Variants in CAMTA1 observed in about 807,000 individuals in gnomAD.
CAMTA1 encodes the protein calmodulin binding transcription activator 1.
A neutral mutation model predicts 170.9 loss-of-function variants in CAMTA1; 27 were observed. The observed-to-expected ratio is 0.16, with a 90% confidence interval of 0.12 to 0.22. The LOEUF is 0.22. Among genes scored for constraint, CAMTA1 ranks in the 10% least tolerant of loss-of-function variants. The probability of loss-of-function intolerance (pLI) is 1.00; values close to 1 mark genes in which losing one functional copy is unlikely to be tolerated. For synonymous variants in CAMTA1, 833 were observed against 891.5 expected (o/e 0.93, Z 1.17); for missense variants, 1,619 against 2,217.2 (o/e 0.73, Z 5.42).
chr1:7,497,120 T>TGCC (rs1194677605), intron 6 of CAMTA1, among the ~76,000 whole-genome samples: 3 of 152,202 alleles, frequency 2.0e-5, no homozygotes, highest in Non-Finnish European at 4.4e-5. Context: ...GAAAAGTGGC[T>TGCC]GCCGCTTCTC....
At chr1:7,308,580 A>T (rs1244926211) in intron 5 of CAMTA1, among the ~76,000 whole-genome samples, 1 of 151,982 alleles carries the variant, frequency 6.6e-6, no homozygotes, top group African/African-American at 2.4e-5. Context: ...ATATTTTCTA[A>T]TTTTTTTGAC....
chr1:6,814,097 A>G lies in CAMTA1; in HGVS notation c.46-6084A>G, dbSNP rs372226375. ...AGACATCCTTTCAAGGATGCATTTG[A>G]TAAAATCTCATTTTGAGTATGTTAG... On this transcript the variant is annotated intron_variant, in intron 1 of 22. Transcript: ENST00000303635. Among the ~76,000 whole-genome samples the G allele has an allele frequency of 8.2e-4, 125 of 152,318 alleles. 1 individual carries two copies. The South Asian group carries it at 0.026, about 31-fold the overall frequency.
intron 3 of CAMTA1, among the ~76,000 whole-genome samples, chr1:7,061,524 G>T (rs1449889445): frequency 7.1e-6 from 1 of 140,500 alleles, no homozygotes; most frequent in Non-Finnish European, 1.5e-5. Context: ...AGAGGGGCTC[G>T]GTTGAGTACC....
Position 7,019,652 on chromosome 1 carries a change from C to G in CAMTA1, c.235-71652C>G, listed in dbSNP as rs80007560. ...GCTACACAGATGATGAAACTGAAAG[C>G]CAGGGTCTGTTTGTTCTGCTGCTGA... On this transcript the variant is annotated intron_variant, in intron 3 of 22. Transcript: ENST00000303635. Among the ~76,000 whole-genome samples, 932 of 152,348 alleles carry G rather than the reference C, an allele frequency of 6.1e-3. 6 individuals are homozygous for G. The highest frequency in any genetic ancestry group is 0.021 in the African/African-American group (878 of 41,580).
At chr1:7,036,870 T>A (rs1303134224) in intron 3 of CAMTA1, among the ~76,000 whole-genome samples, 2 of 152,268 alleles carry the variant, frequency 1.3e-5, no homozygotes, top group Non-Finnish European at 2.9e-5. Flanking sequence ...GGTGCCCTGC[T>A]ATTTGCAGAG....
intron 3 of CAMTA1, among the ~76,000 whole-genome samples, chr1:6,935,765 G>C (rs1685199692): frequency 1.3e-5 from 2 of 152,238 alleles, no homozygotes; most frequent in African/African-American, 4.8e-5. Context: ...CTGGCCGACA[G>C]TGGATGCTCA....
At chr1:7,717,225 G>C (rs1239945855) in intron 11 of CAMTA1, among the ~76,000 whole-genome samples, 4 of 152,026 alleles carry the variant, frequency 2.6e-5, no homozygotes, top group Admixed American at 2.0e-4. Flanking sequence ...AGTTCATCAT[G>C]ATATATTCCT....
chr1:6,802,038 G>GCA (rs1262298938), intron 1 of CAMTA1, among the ~76,000 whole-genome samples: 1 of 152,188 alleles, frequency 6.6e-6, no homozygotes, highest in Non-Finnish European at 1.5e-5. Flanking sequence ...ACTTTTGATT[G>GCA]CAAGTCCCAT....
chr1:7,425,357 T>C (rs2091820678), intron 5 of CAMTA1, among the ~76,000 whole-genome samples: 1 of 152,004 alleles, frequency 6.6e-6, no homozygotes, highest in South Asian at 2.1e-4. Flanking sequence ...GGCATTATGG[T>C]CTGGGTGCTC....
chr1:6,889,423 G>T (rs927146079), intron 3 of CAMTA1, among the ~76,000 whole-genome samples: 1 of 152,204 alleles, frequency 6.6e-6, no homozygotes, highest in East Asian at 1.9e-4. Flanking sequence ...TTGCATTCAA[G>T]AAATGCAAGG....
intron 6 of CAMTA1, among the ~76,000 whole-genome samples, chr1:7,529,841 C>T (rs1281043783): frequency 1.3e-5 from 2 of 152,170 alleles, no homozygotes; most frequent in South Asian, 2.1e-4. Context: ...TGATAAATGG[C>T]GACCATGACC....
chr1:7,416,659 A>C (rs2091199588), intron 5 of CAMTA1, among the ~76,000 whole-genome samples: 1 of 151,948 alleles, frequency 6.6e-6, no homozygotes, highest in South Asian at 2.1e-4. Context: ...TTATACATTC[A>C]TCTAATTTTT....
intron 3 of CAMTA1, among the ~76,000 whole-genome samples, chr1:6,990,822 TA>T (rs1478524625): frequency 4.1e-5 from 6 of 146,364 alleles, no homozygotes; most frequent in Non-Finnish European, 9.1e-5. Flanking sequence ...TATATATATT[TA>T]TATATATATG....
At chr1:7,374,322 A>C (rs929787720) in intron 5 of CAMTA1, among the ~76,000 whole-genome samples, 3 of 152,244 alleles carry the variant, frequency 2.0e-5, no homozygotes, top group African/African-American at 7.2e-5. Context: ...AAATTCACAG[A>C]CTGCTGAGAG....
At chr1:7,753,259 C>T (rs1412401735) in intron 21 of CAMTA1, among the ~76,000 whole-genome samples, 1 of 152,200 alleles carries the variant, frequency 6.6e-6, no homozygotes, top group African/African-American at 2.4e-5. Flanking sequence ...TTTATGAAGA[C>T]TAGCGTCTCT....
intron 3 of CAMTA1, among the ~76,000 whole-genome samples, chr1:7,080,267 TG>T (rs1414337697): frequency 1.3e-5 from 2 of 151,782 alleles, no homozygotes; most frequent in African/African-American, 2.4e-5. Context: ...CTAAAAGAAA[TG>T]TTTTTTTAAT....
intron 5 of CAMTA1, among the ~76,000 whole-genome samples, chr1:7,317,855 G>C (rs1677767034): frequency 6.6e-6 from 1 of 152,222 alleles, no homozygotes; most frequent in African/African-American, 2.4e-5. Context: ...TAATTGTAAA[G>C]TGACCAGAGC....
intron 3 of CAMTA1, among the ~76,000 whole-genome samples, chr1:6,859,064 GA>G (rs1280524576): frequency 9.9e-5 from 15 of 152,138 alleles, no homozygotes; most frequent in African/African-American, 3.6e-4. Context: ...AATGGTCTTT[GA>G]AAAATTCTAA....
chr1:7,108,166 A>G (rs1248227015), intron 4 of CAMTA1, among the ~76,000 whole-genome samples: 1 of 152,154 alleles, frequency 6.6e-6, no homozygotes, highest in African/African-American at 2.4e-5. Flanking sequence ...GATGGCAAGA[A>G]TTCAGTGAAG....
Sources: gnomAD v4.1 joint callset for allele counts (sites outside exome capture counted in the v4.1 genomes callset) on GRCh38, gnomAD v4.1.1 for gene constraint, MANE v1.5 for transcripts, NCBI Gene and HGNC (gene_info 2026-07-23, HGNC 2026-07-21) for gene names.